Variants in TTLL9 observed in about 807,000 individuals in gnomAD.
The protein encoded by TTLL9 is probable tubulin polyglutamylase TTLL9.
TTLL9 carries 47 observed loss-of-function variants against 65.6 expected under a neutral mutation model. The ratio of observed to expected loss-of-function variants is 0.72; its 90% CI spans 0.57 to 0.91. The LOEUF (loss-of-function observed/expected upper bound fraction) is 0.91, where lower values mean the gene tolerates loss of function less well. TTLL9 is among the 40% of genes least tolerant of loss of function. The pLI is 0.00. For missense variants in TTLL9, 537 were observed against 568.8 expected (o/e 0.94, Z 0.57); for synonymous variants, 179 against 204.8 (o/e 0.87, Z 1.07).
chr20:31,943,121 A>C lies in TTLL9; in HGVS notation c.*100A>C. 8.9e-7 allele frequency: 1 copy of C among 1,128,280 alleles called. No individual in the cohort carries two copies. The highest frequency in any genetic ancestry group is 1.3e-6 in the Non-Finnish European group (1 of 753,626). 69.9% of individuals were successfully genotyped at this position (1,128,280 alleles called of 1,614,324 possible). A position where few individuals can be genotyped will look rare whatever the true frequency, so the allele number is the denominator to read the frequency against. ...AGCACCTCACAGCATTCGCCTCCCC[A>C]CCTCCAGCCTGGCACCAGCTTTGCT... On this transcript the variant is annotated 3_prime_UTR_variant, in exon 15 of 15. Transcript: ENST00000535842.
rs1361721995 is a variant in TTLL9 at position 31,943,192 on chromosome 20, C to T, written c.*171C>T. ...CTACCTGAATTGGGCCCCTTGGATA[C>T]CTCCAGCCCATCCCCAGGCATCTTT... On this transcript the variant is annotated 3_prime_UTR_variant, in exon 15 of 15. Transcript: ENST00000535842. 9.4e-6 allele frequency: 6 copies of T among 640,208 alleles called. No individual in the cohort carries two copies. The East Asian group carries it at 1.4e-4, about 15-fold the overall frequency. The allele number at this position is 640,208 out of a possible 1,614,324, so 39.7% of individuals were successfully genotyped here.
rs142126475 is a variant in TTLL9 at position 31,927,650 on chromosome 20, G to A, written c.748+1559G>A. On this transcript the variant is annotated intron_variant, in intron 10 of 14. Coordinates refer to ENST00000535842, the MANE Select transcript of TTLL9 (RefSeq NM_001008409.5). ...TCTGGTCAAAATAGACACATCAAAA[G>A]AAGTTTTAAAGATCTTTAGGCCTGA... 6.1e-3 allele frequency among the ~76,000 whole-genome samples: 934 copies of A among 152,278 alleles called. 2 individuals are homozygous for A. Among genetic ancestry groups the A allele is most frequent in the Non-Finnish European group, 9.6e-3 (652 of 68,014 alleles).
rs1000613623 is a variant in TTLL9 at position 31,943,413 on chromosome 20, A to T, written c.*392A>T. The T allele has an allele frequency of 3.1e-6, 1 of 326,604 alleles. No individual in the cohort carries two copies. Among genetic ancestry groups the T allele is most frequent in the Non-Finnish European group, 6.0e-6 (1 of 167,254 alleles). 20.2% of individuals were successfully genotyped at this position (326,604 alleles called of 1,614,324 possible). A position where few individuals can be genotyped will look rare whatever the true frequency, so the allele number is the denominator to read the frequency against. On this transcript the variant is annotated 3_prime_UTR_variant, in exon 15 of 15. Transcript: ENST00000535842. Reference sequence around the variant, plus strand: ...CCGGGGATACTGTTGGCTGCAGCCAAGTCCTCCTGGCTTTGACACTTGGAT... The same window carrying T: ...CCGGGGATACTGTTGGCTGCAGCCATGTCCTCCTGGCTTTGACACTTGGAT...
intron 12 of TTLL9, among the ~76,000 whole-genome samples, chr20:31,936,768 A>G (rs916943013): frequency 6.6e-6 from 1 of 152,354 alleles, no homozygotes; most frequent in South Asian, 2.1e-4. Flanking sequence ...CGAAAGCACC[A>G]TAATCATTCC....
chr20:31,925,040 G>A lies in TTLL9; in HGVS notation c.696G>A (p.Leu232=). The change falls in exon 9 of 15, where the codon CTG becomes CTA. Residue 232 remains leucine (L), a synonymous_variant. Coordinates refer to ENST00000535842, the MANE Select transcript of TTLL9 (RefSeq NM_001008409.5). ...AGTTTGACCTGCGTGTCTATGTGCTGGTGATGTCGGTGAGTAACAAAGGTG... is the reference window on the plus strand; with the variant it reads ...AGTTTGACCTGCGTGTCTATGTGCTAGTGATGTCGGTGAGTAACAAAGGTG... ...GRKFDLRVYV[L]VMSVFAECLL... The A allele has an allele frequency of 6.2e-7, 1 of 1,614,074 alleles. No homozygotes were observed. The highest frequency in any genetic ancestry group is 8.5e-7 in the Non-Finnish European group (1 of 1,179,996).
At position 31,942,932 on chromosome 20, in the gene TTLL9, A is replaced by G. The variant is rs978913926; in HGVS notation, c.1244-13A>G. ...CATAGGTCATCCCAGCCAACACCCC[A>G]CTTCCTTTCCAGGCTGCGTCAACGA... On this transcript the variant is annotated splice_polypyrimidine_tract_variant and intron_variant, in intron 14 of 14. Coordinates refer to ENST00000535842, the MANE Select transcript of TTLL9 (RefSeq NM_001008409.5). The G allele has an allele frequency of 5.0e-6, 8 of 1,613,878 alleles. No individual in the cohort carries two copies. In the Admixed American group the frequency reaches 1.2e-4, roughly 24 times the overall value.
chr20:31,873,686 GAAA>G (rs2062975383), intron 2 of TTLL9, among the ~76,000 whole-genome samples: 1 of 27,242 alleles, frequency 3.7e-5, no homozygotes, highest in African/African-American at 1.1e-4. Flanking sequence ...GAGAGAGAGA[GAAA>G]GAAAGAAAGA....
chr20:31,906,409 C>T (rs556357529), intron 4 of TTLL9, among the ~76,000 whole-genome samples: 85 of 152,352 alleles, frequency 5.6e-4, no homozygotes, highest in African/African-American at 1.9e-3. Flanking sequence ...TGCGGCCTCA[C>T]GGCCCCGCAG....
Position 31,872,814 on chromosome 20 carries a change from G to T in TTLL9, c.69+1619G>T, listed in dbSNP as rs564061598. ...CTTGGCCTCTGTAAAAAGCCAGTGG[G>T]ACTGGAGTAGAGGGAGCTACAGGAG... is the stretch of plus-strand genomic sequence containing the variant. On this transcript the variant is annotated intron_variant, in intron 2 of 14. Coordinates refer to ENST00000535842, the MANE Select transcript of TTLL9 (RefSeq NM_001008409.5). Among the ~76,000 whole-genome samples the T allele has an allele frequency of 2.7e-3, 405 of 152,386 alleles. 4 individuals carry two copies. Among genetic ancestry groups the T allele is most frequent in the African/African-American group, 9.5e-3 (394 of 41,598 alleles).
chr20:31,924,559 A>T (rs1178139116), intron 8 of TTLL9, among the ~76,000 whole-genome samples: 4 of 131,038 alleles, frequency 3.1e-5, no homozygotes, highest in Non-Finnish European at 4.8e-5. Context: ...ACCTCCCATT[A>T]TTCTCTCTTT....
At chr20:31,874,007 G>GT (rs970998975) in intron 2 of TTLL9, among the ~76,000 whole-genome samples, 14 of 152,214 alleles carry the variant, frequency 9.2e-5, no homozygotes, top group African/African-American at 3.4e-4. Context: ...AGGGGCAATT[G>GT]TAACAGTCCT....
intron 4 of TTLL9, among the ~76,000 whole-genome samples, chr20:31,905,584 C>T (rs147880721): frequency 1.6e-3 from 244 of 152,202 alleles, no homozygotes; most frequent in Non-Finnish European, 2.6e-3. Flanking sequence ...CATCTGTGCA[C>T]GGTGTGTGCA....
intron 2 of TTLL9, among the ~76,000 whole-genome samples, chr20:31,875,184 T>C (rs902305897): frequency 2.0e-5 from 3 of 152,116 alleles, no homozygotes; most frequent in African/African-American, 7.2e-5. Flanking sequence ...TTGAGCAAGT[T>C]TTTAAATTTC....
At chr20:31,900,602 A>C (rs1227521612) in intron 4 of TTLL9, among the ~76,000 whole-genome samples, 2 of 152,200 alleles carry the variant, frequency 1.3e-5, no homozygotes, top group Non-Finnish European at 2.9e-5. Context: ...GAATATTACA[A>C]CAATGACAGT....
intron 14 of TTLL9, chr20:31,940,074 C>T (rs2064179335): frequency 6.6e-6 from 1 of 152,110 alleles, no homozygotes; most frequent in Non-Finnish European, 1.5e-5. Context: ...CATCCTTTCA[C>T]ATTAAGCTCG....
At chr20:31,879,503 T>A (rs2063079265) in intron 2 of TTLL9, 1 of 228,604 alleles carries the variant, frequency 4.4e-6, no homozygotes, top group African/African-American at 2.3e-5. Context: ...GTAACTTCGT[T>A]AAGTAAGGAA....
intron 2 of TTLL9, among the ~76,000 whole-genome samples, chr20:31,876,722 T>C (rs1181946587): frequency 6.6e-6 from 1 of 152,184 alleles, no homozygotes; most frequent in Non-Finnish European, 1.5e-5. Context: ...TTTTCAACTT[T>C]ATGAGATATT....
chr20:31,934,347 G>A, intron 11 of TTLL9: 1 of 525,264 alleles, frequency 1.9e-6, no homozygotes, highest in Non-Finnish European at 3.7e-6. Context: ...GGGCCCTTGT[G>A]CATACACAGC....
Position 31,917,536 on chromosome 20 carries a change from C to T in TTLL9, c.505-2328C>T, listed in dbSNP as rs117157104. ...TGCAGACATTTCTGTCATGTAGGTCCCTAAGAGAGGAATTGCTGGGACATA... is the reference window on the plus strand; with the variant it reads ...TGCAGACATTTCTGTCATGTAGGTCTCTAAGAGAGGAATTGCTGGGACATA... On this transcript the variant is annotated intron_variant, in intron 6 of 14. Coordinates refer to ENST00000535842, the MANE Select transcript of TTLL9 (RefSeq NM_001008409.5). Among the ~76,000 whole-genome samples, 564 of 152,218 alleles carry T rather than the reference C, an allele frequency of 3.7e-3. 26 individuals are homozygous for T. The East Asian group carries it at 0.08, about 22-fold the overall frequency.
Sources: gnomAD v4.1 joint callset for allele counts (sites outside exome capture counted in the v4.1 genomes callset) on GRCh38, gnomAD v4.1.1 for gene constraint, MANE v1.5 for transcripts, NCBI Gene and HGNC (gene_info 2026-07-23, HGNC 2026-07-21) for gene names.